The following DCUN1D1 variants were observed in gnomAD, a reference collection of about 807,000 sequenced individuals.
DCUN1D1 encodes the protein DCN1-like protein 1.
In DCUN1D1, 3 loss-of-function variants were observed where a neutral mutation model predicts 39.0. The observed-to-expected ratio is 0.08, with a 90% confidence interval of 0.04 to 0.20. DCUN1D1 has a LOEUF of 0.20. Among genes scored for constraint, DCUN1D1 ranks in the 10% least tolerant of loss-of-function variants. DCUN1D1 has a pLI of 1.00. For synonymous variants in DCUN1D1, 82 were observed against 96.3 expected (o/e 0.85, Z 0.87); for missense variants, 158 against 302.4 (o/e 0.52, Z 3.54).
chr3:182,963,977 G>A lies in DCUN1D1; in HGVS notation c.293C>T (p.Ala98Val), dbSNP rs1315990525. The change falls in exon 3 of 7, where the codon GCC becomes GTC. Residue 98 changes from alanine to valine, a missense_variant. By Grantham distance (64) the Ala-to-Val change is moderately conservative (BLOSUM62 0). Transcript: ENST00000292782. ...QFCDDLALDP[A>V]SISVLIIAWK... ...CGCAATAATCAACACACTAATGCTG[G>A]CTGGATCGAGTGCCAGGTCATCACA... 1 of 1,613,974 alleles carries A rather than the reference G, an allele frequency of 6.2e-7. No individual in the cohort carries two copies. The highest frequency in any genetic ancestry group is 8.5e-7 in the Non-Finnish European group (1 of 1,179,910).
chr3:182,977,650 G>A (rs977830483), intron 1 of DCUN1D1, among the ~76,000 whole-genome samples: 1 of 151,852 alleles, frequency 6.6e-6, no homozygotes, highest in Non-Finnish European at 1.5e-5. Context: ...TGGCCAGGCT[G>A]GTCTCAAACT....
rs375240677 is a variant in DCUN1D1, at chr3:182,964,091, T to C, written c.221-42A>G. The C allele has an allele frequency of 8.6e-6, 13 of 1,520,324 alleles. No individual in the cohort carries two copies. In the African/African-American group the frequency reaches 1.6e-4, roughly 19 times the overall value. 94.2% of individuals were successfully genotyped at this position (1,520,324 alleles called of 1,614,324 possible). A position where few individuals can be genotyped will look rare whatever the true frequency, so the allele number is the denominator to read the frequency against. Reference sequence around the variant, plus strand: ...GCAATATTAAAGTAGTGTCATATTATGCTACATTATGAAAACTGAAAAAGG... The same window carrying C: ...GCAATATTAAAGTAGTGTCATATTACGCTACATTATGAAAACTGAAAAAGG... On this transcript the variant is annotated intron_variant, in intron 2 of 6. Transcript: ENST00000292782.
At chr3:182,980,612 G>C (rs886402047), upstream of DCUN1D1, 47 of 1,062,664 alleles carry the variant, frequency 4.4e-5, no homozygotes, top group Middle Eastern at 1.1e-3. Context: ...GGGGCGGCCC[G>C]GCGCGGCCCG....
chr3:182,976,556 C>G (rs888204735), intron 1 of DCUN1D1, among the ~76,000 whole-genome samples: 11 of 152,014 alleles, frequency 7.2e-5, no homozygotes, highest in Non-Finnish European at 1.3e-4. Context: ...ATTCCCTCAT[C>G]CCCTACTCTG....
chr3:182,974,472 C>CAA (rs35338278), intron 1 of DCUN1D1, among the ~76,000 whole-genome samples: 46 of 142,242 alleles, frequency 3.2e-4, no homozygotes, highest in East Asian at 6.3e-4. Context: ...TTACTGAGGC[C>CAA]AAAAAAAAAA....
At chr3:182,948,418 G>A (rs1451861602) in intron 4 of DCUN1D1, among the ~76,000 whole-genome samples, 3 of 151,484 alleles carry the variant, frequency 2.0e-5, no homozygotes, top group Non-Finnish European at 4.4e-5. Flanking sequence ...CTTACCACAC[G>A]ACAGAGAACT....
chr3:182,978,917 G>C (rs1021825955), intron 1 of DCUN1D1, among the ~76,000 whole-genome samples: 4 of 152,118 alleles, frequency 2.6e-5, no homozygotes, highest in Non-Finnish European at 5.9e-5. Flanking sequence ...GTATTTCCGG[G>C]ACCCCACTGT....
At chr3:182,951,443 G>C (rs1041379524) in intron 4 of DCUN1D1, among the ~76,000 whole-genome samples, 1 of 151,304 alleles carries the variant, frequency 6.6e-6, no homozygotes, top group Non-Finnish European at 1.5e-5. Context: ...AGTGAGACTT[G>C]GTCTCTACTA....
intron 3 of DCUN1D1, 87 bp from the exon 4 acceptor site, chr3:182,961,443 T>C: frequency 8.5e-7 from 1 of 1,173,176 alleles, no homozygotes; most frequent in Non-Finnish European, 1.2e-6. Flanking sequence ...TTACATTTAT[T>C]TCCTAGAACT....
intron 6 of DCUN1D1, 34 bp from the exon 7 acceptor site, chr3:182,945,207 G>A (rs2108619681): frequency 6.5e-7 from 1 of 1,544,000 alleles, no homozygotes; most frequent in East Asian, 2.3e-5. Context: ...AGAAAGAGAA[G>A]GGGGAAAAAA....
At position 182,943,656 on chromosome 3, in the gene DCUN1D1, C is replaced by G; in HGVS notation, c.*1438G>C. On this transcript the variant is annotated 3_prime_UTR_variant, in exon 7 of 7. Coordinates refer to ENST00000292782, the MANE Select transcript of DCUN1D1 (RefSeq NM_020640.4). ...GCAGAATCTATTCCTATCAAAAGAC[C>G]ATAATCATCAAACATTTGAAGTATT... 1 of 152,308 alleles carries G rather than the reference C, an allele frequency of 6.6e-6. No individual in the cohort carries two copies. Among genetic ancestry groups the G allele is most frequent in the East Asian group, 1.9e-4 (1 of 5,200 alleles). 9.4% of individuals were successfully genotyped at this position (152,308 alleles called of 1,614,324 possible).
In DCUN1D1 at chr3:182,939,376, CAT is replaced by C. The variant is rs1194046645; in HGVS notation, c.*5716_*5717del. 1.3e-5 allele frequency: 2 copies of C among 152,150 alleles called. No individual in the cohort carries two copies. Among genetic ancestry groups the C allele is most frequent in the Non-Finnish European group, 2.9e-5 (2 of 68,038 alleles). 9.4% of individuals were successfully genotyped at this position (152,150 alleles called of 1,614,324 possible). ...CACAACTAGGAATCTGAGATGAAAA[CAT>C]GTCCACACAAAGACATTTATGAATG... On this transcript the variant is annotated 3_prime_UTR_variant, in exon 7 of 7. Coordinates refer to ENST00000292782, the MANE Select transcript of DCUN1D1 (RefSeq NM_020640.4).
At chr3:182,961,147 ACTTT>A in intron 4 of DCUN1D1, 75 bp downstream of exon 4, 1 of 1,031,136 alleles carries the variant, frequency 9.7e-7, no homozygotes. Flanking sequence ...AAAACACATA[ACTTT>A]CTATTACAAA....
intron 1 of DCUN1D1, among the ~76,000 whole-genome samples, chr3:182,975,743 C>G (rs9875403): frequency 0.11 from 15,787 of 145,034 alleles, 2,769 homozygotes; most frequent in African/African-American, 0.37. Flanking sequence ...AGGTGAGGGT[C>G]AGGGGGAGAT....
intron 4 of DCUN1D1, among the ~76,000 whole-genome samples, chr3:182,954,342 A>G (rs1434156257): frequency 6.6e-6 from 1 of 152,222 alleles, no homozygotes; most frequent in African/African-American, 2.4e-5. Context: ...CAAAACAAAA[A>G]GAGGAAAGTT....
intron 4 of DCUN1D1, among the ~76,000 whole-genome samples, chr3:182,959,501 C>CAAAAAAAAAAA (rs11373344): frequency 4.9e-5 from 4 of 81,166 alleles, no homozygotes; most frequent in East Asian, 4.9e-4. Flanking sequence ...CTTCAAAAAC[C>CAAAAAAAAAAA]AAAAAAAAAA....
rs1726126221 is a variant in DCUN1D1 at position 182,941,345 on chromosome 3, GGT to G, written c.*3747_*3748del. ...CTTTCCCTCAGAAATCAAAGATAAA[GGT>G]GTCATGATAAATAACTTCACCACAG... On this transcript the variant is annotated 3_prime_UTR_variant, in exon 7 of 7. Coordinates refer to ENST00000292782, the MANE Select transcript of DCUN1D1 (RefSeq NM_020640.4). 6.6e-6 allele frequency: 1 copy of G among 151,846 alleles called. No individual in the cohort carries two copies. The highest frequency in any genetic ancestry group is 1.5e-5 in the Non-Finnish European group (1 of 67,950). The allele number at this position is 151,846 out of a possible 1,614,324, so 9.4% of individuals were successfully genotyped here.
At chr3:182,947,369 C>T (rs761490302) in intron 5 of DCUN1D1, 35 bp from the exon 6 acceptor site, 1 of 1,412,392 alleles carries the variant, frequency 7.1e-7, no homozygotes, top group East Asian at 2.3e-5. Context: ...ACATTTGTAT[C>T]ACTAAAAAGA....
chr3:182,959,986 T>A (rs979858353), intron 4 of DCUN1D1, among the ~76,000 whole-genome samples: 2 of 152,198 alleles, frequency 1.3e-5, no homozygotes, highest in African/African-American at 4.8e-5. Context: ...TGACCTTGTC[T>A]GCCACGTGAT....
Sources: allele counts gnomAD v4.1 joint callset (sites outside exome capture counted in the v4.1 genomes callset), GRCh38; gene constraint gnomAD v4.1.1; transcripts MANE v1.5; gene names NCBI Gene and HGNC (gene_info 2026-07-23, HGNC 2026-07-21).